The following SPAG16 variants were observed in gnomAD, a reference collection of about 807,000 sequenced individuals.
SPAG16 encodes the protein sperm associated antigen 16.
A neutral mutation model predicts 80.4 loss-of-function variants in SPAG16; 86 were observed. The ratio of observed to expected loss-of-function variants is 1.07; its 90% CI spans 0.90 to 1.28. The LOEUF (loss-of-function observed/expected upper bound fraction) is 1.28, where lower values mean the gene tolerates loss of function less well. Ranked by LOEUF, SPAG16 falls within the 50% of genes most tolerant of loss-of-function variation. The pLI is 0.00. For missense variants in SPAG16, 870 were observed against 765.3 expected (o/e 1.14, Z -1.61); for synonymous variants, 294 against 265.9 (o/e 1.11, Z -1.03).
intron 14 of SPAG16, among the ~76,000 whole-genome samples, chr2:214,132,895 C>G (rs1299372437): frequency 1.3e-5 from 2 of 152,014 alleles, no homozygotes; most frequent in African/African-American, 2.4e-5. Flanking sequence ...GAGTTCGAGA[C>G]CAGCCTGACC....
intron 7 of SPAG16, among the ~76,000 whole-genome samples, chr2:213,363,238 C>T (rs1207394448): frequency 6.6e-6 from 1 of 152,018 alleles, no homozygotes. Context: ...TAGCAACTCT[C>T]CTGTTAATCT....
intron 12 of SPAG16, among the ~76,000 whole-genome samples, chr2:214,011,528 G>A (rs1179083898): frequency 6.6e-6 from 1 of 152,148 alleles, no homozygotes; most frequent in East Asian, 1.9e-4. Flanking sequence ...ATGCAACTCT[G>A]TTACTGTAAT....
At chr2:213,633,049 GTTC>G (rs1280008737) in intron 10 of SPAG16, among the ~76,000 whole-genome samples, 2 of 152,124 alleles carry the variant, frequency 1.3e-5, no homozygotes, top group Admixed American at 1.3e-4. Context: ...ATTGGTATTA[GTTC>G]TTCTTTGAAT....
chr2:214,305,578 A>G (rs1005050256), intron 15 of SPAG16, among the ~76,000 whole-genome samples: 1 of 152,088 alleles, frequency 6.6e-6, no homozygotes, highest in Non-Finnish European at 1.5e-5. Flanking sequence ...TTCAGTTTCA[A>G]TCTTCTGTAT....
intron 9 of SPAG16, among the ~76,000 whole-genome samples, chr2:213,484,244 A>C (rs1395001583): frequency 6.6e-6 from 1 of 152,238 alleles, no homozygotes; most frequent in Non-Finnish European, 1.5e-5. Context: ...ATTTAAGTAC[A>C]TTTGGGAAAC....
At chr2:213,856,484 A>T (rs1050725702) in intron 10 of SPAG16, among the ~76,000 whole-genome samples, 2 of 152,166 alleles carry the variant, frequency 1.3e-5, no homozygotes, top group Admixed American at 1.3e-4. Context: ...GGGGGCTCCA[A>T]ACCCACATTT....
At chr2:213,971,009 A>G in intron 12 of SPAG16, among the ~76,000 whole-genome samples, 1 of 152,190 alleles carries the variant, frequency 6.6e-6, no homozygotes, top group East Asian at 1.9e-4. Flanking sequence ...TATAATATGT[A>G]TATTAACAAA....
At chr2:213,347,596 C>T (rs144248553) in intron 6 of SPAG16, among the ~76,000 whole-genome samples, 3,626 of 152,258 alleles carry the variant, frequency 0.024, 61 homozygotes, top group African/African-American at 0.039. Context: ...TCTTTGTTCT[C>T]ATTGGTTTCA....
At chr2:213,954,192 C>T (rs1181004089) in intron 12 of SPAG16, among the ~76,000 whole-genome samples, 6 of 148,856 alleles carry the variant, frequency 4.0e-5, no homozygotes, top group African/African-American at 4.9e-5. Flanking sequence ...TGTAGTGCTG[C>T]GGCACAATCT....
intron 7 of SPAG16, among the ~76,000 whole-genome samples, chr2:213,354,642 G>A (rs1393460131): frequency 6.6e-6 from 1 of 152,186 alleles, no homozygotes; most frequent in Non-Finnish European, 1.5e-5. Flanking sequence ...GACCAATGAT[G>A]ATGAGCATTT....
chr2:214,031,628 GA>G (rs34664637), intron 13 of SPAG16, among the ~76,000 whole-genome samples: 3 of 140,578 alleles, frequency 2.1e-5, no homozygotes, highest in African/African-American at 7.9e-5. Context: ...AAATAAACAT[GA>G]AAAAAAAAAG....
intron 5 of SPAG16, among the ~76,000 whole-genome samples, chr2:213,322,331 A>G (rs1575190294): frequency 1.7e-5 from 2 of 115,900 alleles, no homozygotes; most frequent in African/African-American, 6.5e-5. Flanking sequence ...AGTGTAGACA[A>G]TGCAAAAAAA....
At position 213,655,972 on chromosome 2, in the gene SPAG16, T is replaced by C. The variant is rs138659993; in HGVS notation, c.1070+165882T>C. The stretch of plus-strand genomic sequence containing the variant: ...AGTCATTTCCATGAACTATTTCTGG[T>C]GGGTTTTGAAACTAAATGTAGTTAC... On this transcript the variant is annotated intron_variant, in intron 10 of 15. Transcript: ENST00000331683. Among the ~76,000 whole-genome samples the C allele has an allele frequency of 1.6e-3, 242 of 152,328 alleles. 3 individuals are homozygous for C. In the East Asian group the frequency reaches 0.02, roughly 12 times the overall value.
At chr2:213,310,399 A>G (rs2063139850) in intron 4 of SPAG16, among the ~76,000 whole-genome samples, 1 of 151,376 alleles carries the variant, frequency 6.6e-6, no homozygotes, top group Non-Finnish European at 1.5e-5. Flanking sequence ...TTACAAAGAC[A>G]TTTTTATTAA....
At chr2:213,583,615 G>A (rs912324530) in intron 10 of SPAG16, among the ~76,000 whole-genome samples, 1 of 152,080 alleles carries the variant, frequency 6.6e-6, no homozygotes, top group Non-Finnish European at 1.5e-5. Context: ...CATTTGGGGG[G>A]GTGGTAACTG....
At chr2:213,931,871 G>A (rs1169041243) in intron 12 of SPAG16, among the ~76,000 whole-genome samples, 1 of 151,994 alleles carries the variant, frequency 6.6e-6, no homozygotes, top group East Asian at 1.9e-4. Context: ...TGGCATTGAG[G>A]TGGTGGATAA....
intron 13 of SPAG16, among the ~76,000 whole-genome samples, chr2:214,028,549 C>G (rs890699822): frequency 6.6e-6 from 1 of 151,892 alleles, no homozygotes; most frequent in African/African-American, 2.4e-5. Context: ...TACATATATC[C>G]TAATACTTAG....
At chr2:213,898,174 T>C (rs962079303) in intron 11 of SPAG16, among the ~76,000 whole-genome samples, 24 of 152,174 alleles carry the variant, frequency 1.6e-4, no homozygotes, top group Non-Finnish European at 2.8e-4. Context: ...AGAAAGACTA[T>C]GTATGTTTCA....
intron 13 of SPAG16, among the ~76,000 whole-genome samples, chr2:214,020,343 A>G (rs1264058974): frequency 6.6e-6 from 1 of 152,144 alleles, no homozygotes; most frequent in Non-Finnish European, 1.5e-5. Flanking sequence ...TATTTTATGT[A>G]TGTAATACTT....
Sources: allele counts gnomAD v4.1 joint callset (sites outside exome capture counted in the v4.1 genomes callset), GRCh38; gene constraint gnomAD v4.1.1; transcripts MANE v1.5; gene names NCBI Gene and HGNC (gene_info 2026-07-23, HGNC 2026-07-21).